CAPN15: variants seen among roughly 807,000 people sequenced by gnomAD.
CAPN15 encodes calpain-15.
In CAPN15, 53 loss-of-function variants were observed where a neutral mutation model predicts 97.9. The ratio of observed to expected loss-of-function variants is 0.54; its 90% CI spans 0.43 to 0.68. CAPN15 has a LOEUF of 0.68. CAPN15 is among the 30% of genes least tolerant of loss of function. The pLI, the probability that CAPN15 is intolerant of heterozygous loss-of-function variation, is 0.00. For synonymous variants in CAPN15, 922 were observed against 722.5 expected, an observed-to-expected ratio of 1.28 and a Z score of -4.43; for missense variants, 1,592 against 1,589.8, an observed-to-expected ratio of 1.00 and a Z score of -0.02.
chr16:546,775 A>G lies in CAPN15; in HGVS notation c.-22-42A>G, dbSNP rs1462724761. 25 of 1,527,928 alleles carry G rather than the reference A, an allele frequency of 1.6e-5. No individual in the cohort carries two copies. In the East Asian group the frequency reaches 4.7e-4, roughly 29 times the overall value. The allele number at this position is 1,527,928 out of a possible 1,614,324, so 94.6% of individuals were successfully genotyped here. A position where few individuals can be genotyped will look rare whatever the true frequency, so the allele number is the denominator to read the frequency against. On this transcript the variant is annotated intron_variant, in intron 3 of 13. Transcript: ENST00000219611. ...AGAGGAGGGTGGGGTCCAGCCACTC[A>G]GGACCTCACAGGGTGGCCCTGATGA... is the stretch of plus-strand genomic sequence containing the variant.
At position 551,897 on chromosome 16, in the gene CAPN15, C is replaced by T. The variant is rs1360055538; in HGVS notation, c.2346-154C>T. 3.7e-5 allele frequency: 37 copies of T among 1,003,138 alleles called. No homozygotes were observed. The South Asian group carries it at 4.6e-4, about 12-fold the overall frequency. 62.1% of individuals were successfully genotyped at this position (1,003,138 alleles called of 1,614,324 possible). A position where few individuals can be genotyped will look rare whatever the true frequency, so the allele number is the denominator to read the frequency against. On this transcript the variant is annotated intron_variant, in intron 9 of 13. Coordinates refer to ENST00000219611, the MANE Select transcript of CAPN15 (RefSeq NM_005632.3). The stretch of plus-strand genomic sequence containing the variant: ...CCCTGGAGGGCTTCCTATTATAGGC[C>T]TCAGGGATGGGCCCCCGGGGGCCGG...
Position 552,857 on chromosome 16 carries a change from G to A in CAPN15, c.2905-6G>A. On this transcript the variant is annotated splice_polypyrimidine_tract_variant and splice_region_variant and intron_variant, in intron 12 of 13. Coordinates refer to ENST00000219611, the MANE Select transcript of CAPN15 (RefSeq NM_005632.3). The surrounding 1 kb of genome is among the most constrained non-coding windows in gnomAD (Gnocchi z 6.4). ...CCTGCCCCACAACTGCCATTCCTGT[G>A]CCCAGGGCCGTGAGGGCATGACCTG... The A allele has an allele frequency of 6.3e-7, 1 of 1,594,490 alleles. No homozygotes were observed. The highest frequency in any genetic ancestry group is 1.1e-5 in the South Asian group (1 of 88,770).
At chr16:534,472 G>C (rs2033553029) in intron 2 of CAPN15, among the ~76,000 whole-genome samples, 1 of 152,306 alleles carries the variant, frequency 6.6e-6, no homozygotes, top group Admixed American at 6.5e-5. Context: ...TCCTCCCCCA[G>C]GGCGGGGCCC....
chr16:544,734 G>A (rs1213870751), intron 3 of CAPN15, among the ~76,000 whole-genome samples: 1 of 67,226 alleles, frequency 1.5e-5, no homozygotes, highest in Admixed American at 1.5e-4. Flanking sequence ...CCCCCACGTC[G>A]CCTCCCCCAC....
rs116788686 is a variant in CAPN15 at position 533,655 on chromosome 16, C to G, written c.-189-291C>G. Among the ~76,000 whole-genome samples, 814 of 152,296 alleles carry G rather than the reference C, an allele frequency of 5.3e-3. 8 individuals carry two copies. The highest frequency in any genetic ancestry group is 0.019 in the African/African-American group (771 of 41,572). On this transcript the variant is annotated intron_variant, in intron 1 of 13. Transcript: ENST00000219611. ...GGTCCGGACAGGATCTTGAATGGCC[C>G]TGTCTGCGGTCCTGGCTGGCCGGAG...
chr16:542,756 T>TA (rs111927356), intron 3 of CAPN15, among the ~76,000 whole-genome samples: 29,410 of 150,948 alleles, frequency 0.19, 3,090 homozygotes, highest in African/African-American at 0.27. Context: ...GCTGGTTAAT[T>TA]AGAAAAAAAA....
At chr16:549,242 G>GGGGGGGCC in intron 5 of CAPN15, 41 bp downstream of exon 5, 3 of 298,896 alleles carry the variant, frequency 1.0e-5, no homozygotes, top group South Asian at 2.4e-5. Context: ...GGGTGGGCGG[G>GGGGGGGCC]CGACCGGCCG....
intron 2 of CAPN15, among the ~76,000 whole-genome samples, chr16:534,220 C>T (rs1019765949): frequency 2.7e-5 from 4 of 147,184 alleles, no homozygotes; most frequent in South Asian, 2.1e-4. Flanking sequence ...GAGGGCGGCC[C>T]GGGGTCCCGA....
At position 554,130 on chromosome 16, in the gene CAPN15, A is replaced by T. The variant is rs991218994; in HGVS notation, c.*614A>T. 23 of 210,712 alleles carry T rather than the reference A, an allele frequency of 1.1e-4. No homozygotes were observed. Among genetic ancestry groups the T allele is most frequent in the Admixed American group, 3.1e-4 (6 of 19,296 alleles). The allele number at this position is 210,712 out of a possible 1,614,324, so 13.1% of individuals were successfully genotyped here. A position where few individuals can be genotyped will look rare whatever the true frequency, so the allele number is the denominator to read the frequency against. On this transcript the variant is annotated 3_prime_UTR_variant, in exon 14 of 14. Transcript: ENST00000219611. ...CAGGATCGAAGCCATGACTGGGTGC[A>T]GGCGGGCGCCAGGCCCGCTGTGGGT... is the stretch of plus-strand genomic sequence containing the variant.
In CAPN15 at chr16:552,732, C is replaced by T. The variant is rs2035185124; in HGVS notation, c.2865C>T (p.Ala955=). The T allele has an allele frequency of 6.5e-7, 1 of 1,544,458 alleles. No homozygotes were observed. The highest frequency in any genetic ancestry group is 8.7e-7 in the Non-Finnish European group (1 of 1,145,606). The stretch of plus-strand genomic sequence containing the variant: ...CCCAGCCGACCACGCTGGCCGACGC[C>T]ATCATCCTGCTCACCGAGAGCCGCG... ...VEAQPTTLAD[A]IILLTESRGE... is the part of the protein sequence containing the mutation. The change falls in exon 12 of 14, where the codon GCC becomes GCT. Residue 955 remains alanine, a synonymous_variant. Coordinates refer to ENST00000219611, the MANE Select transcript of CAPN15 (RefSeq NM_005632.3). This position sits in a 1 kb window ranked among gnomAD's most constrained non-coding sequence, Gnocchi z 6.4.
chr16:548,506 C>T (rs746896678), intron 4 of CAPN15, among the ~76,000 whole-genome samples: 2 of 152,348 alleles, frequency 1.3e-5, no homozygotes, highest in Middle Eastern at 3.4e-3. Context: ...CCGAGATGCA[C>T]GACCTTCACC....
chr16:530,452 G>A (rs1480388088), intron 1 of CAPN15, among the ~76,000 whole-genome samples: 1 of 152,238 alleles, frequency 6.6e-6, no homozygotes, highest in African/African-American at 2.4e-5. Context: ...AGCCCCTGTG[G>A]CGTGGACACG....
intron 3 of CAPN15, chr16:537,949 GCCTGGAGAACGGGT>G (rs1567138196): frequency 6.6e-6 from 1 of 152,270 alleles, no homozygotes; most frequent in African/African-American, 2.4e-5. Context: ...CAGAGACCCG[GCCTGGAGAACGGGT>G]CCTGGATGTC....
At position 528,595 on chromosome 16, in the gene CAPN15, C is replaced by T. The variant is rs547252557; in HGVS notation, c.-190+566C>T. 344 of 283,412 alleles carry T rather than the reference C, an allele frequency of 1.2e-3. 5 individuals are homozygous for T. The highest frequency in any genetic ancestry group is 7.4e-3 in the African/African-American group (328 of 44,100). The allele number at this position is 283,412 out of a possible 1,614,324, so 17.6% of individuals were successfully genotyped here. On this transcript the variant is annotated intron_variant, in intron 1 of 13. Coordinates refer to ENST00000219611, the MANE Select transcript of CAPN15 (RefSeq NM_005632.3). ...GCTGGGAAGTTGCAAATCTGCTGTC[C>T]TCCCGCTGGCTGCAGAAGGGGCCCC...
At chr16:537,546 C>T (rs2033815083) in intron 3 of CAPN15, 7 of 625,446 alleles carry the variant, frequency 1.1e-5, no homozygotes, top group Non-Finnish European at 1.2e-5. Context: ...AGCTCAGGGC[C>T]CAGTGCAAGC....
At chr16:549,961 C>A in intron 7 of CAPN15, 123 bp downstream of exon 7, 1 of 795,042 alleles carries the variant, frequency 1.3e-6, no homozygotes, top group South Asian at 1.7e-5. Flanking sequence ...CTGGCGTGGG[C>A]TGACCCCGCG....
chr16:548,388 A>G, intron 4 of CAPN15, 101 bp downstream of exon 4: 4 of 1,191,582 alleles, frequency 3.4e-6, no homozygotes, highest in South Asian at 3.4e-5. Context: ...AGGAGCCCAC[A>G]AGGCCTAAGA....
In CAPN15 at chr16:547,528, G is replaced by C; in HGVS notation, c.690G>C (p.Pro230=). Residue 230 remains proline, a synonymous_variant, in exon 4 of 14, where the codon CCG becomes CCC. Transcript: ENST00000219611. ...CCGAACCAGAGCCGCCCAGGGTCCC[G>C]CCCTTCAGCCCCTTCTCGTCCACCC... The part of the protein sequence containing the change: ...PAAEPEPPRV[P]PFSPFSSTLQ... 1.3e-6 allele frequency: 2 copies of C among 1,597,842 alleles called. No individual in the cohort carries two copies. The highest frequency in any genetic ancestry group is 1.7e-6 in the Non-Finnish European group (2 of 1,178,910).
intron 3 of CAPN15, chr16:540,308 G>A: frequency 4.1e-6 from 4 of 985,554 alleles, no homozygotes; most frequent in Non-Finnish European, 4.8e-6. Flanking sequence ...GGCCCAGGGG[G>A]GCCCGTCTGG....
Sources: allele counts gnomAD v4.1 joint callset (sites outside exome capture counted in the v4.1 genomes callset), GRCh38; gene constraint gnomAD v4.1.1; non-coding constraint Gnocchi (gnomAD v3.1); transcripts MANE v1.5; gene names NCBI Gene and HGNC (gene_info 2026-07-23, HGNC 2026-07-21).